PODXL: variants seen among roughly 807,000 people sequenced by gnomAD.
PODXL encodes podocalyxin.
Under a neutral mutation model 48.9 loss-of-function variants are expected in PODXL, and 20 were observed. The observed-to-expected ratio is 0.41, with a 90% CI of 0.29 to 0.59. The LOEUF is 0.59. Among genes scored for constraint, PODXL ranks in the 20% least tolerant of loss-of-function variants. The pLI is 0.31. For missense variants in PODXL, 606 were observed against 675.1 expected, an observed-to-expected ratio of 0.90 and a Z score of 1.13; for synonymous variants, 295 against 287.4, an observed-to-expected ratio of 1.03 and a Z score of -0.27.
At chr7:131,511,572 T>C (rs1771863867) in intron 1 of PODXL, 139 bp from the exon 2 acceptor site, 3 of 787,150 alleles carry the variant, frequency 3.8e-6, no homozygotes, top group African/African-American at 3.5e-5. Flanking sequence ...CTTTGGTGAA[T>C]CCAGAATTTT....
intron 1 of PODXL, among the ~76,000 whole-genome samples, chr7:131,522,535 G>A (rs1798107375): frequency 6.6e-6 from 1 of 152,182 alleles, no homozygotes; most frequent in African/African-American, 2.4e-5. Context: ...GCCAAGCAGG[G>A]ACCCACAGAG....
At chr7:131,506,544 A>G in intron 6 of PODXL, 35 bp downstream of exon 6, 1 of 1,606,160 alleles carries the variant, frequency 6.2e-7, no homozygotes, top group Non-Finnish European at 8.5e-7. Context: ...CCACCCATGC[A>G]GGCCCCAGCC....
At chr7:131,532,120 AATAATCATCATC>A (rs1798289147) in intron 1 of PODXL, among the ~76,000 whole-genome samples, 1 of 144,814 alleles carries the variant, frequency 6.9e-6, no homozygotes, top group Non-Finnish European at 1.5e-5. Flanking sequence ...TAATAATAAT[AATAATCATCATC>A]ATCATCATCA....
chr7:131,535,121 C>T (rs144122610), intron 1 of PODXL, among the ~76,000 whole-genome samples: 5 of 152,186 alleles, frequency 3.3e-5, no homozygotes, highest in East Asian at 3.9e-4. Context: ...CTCCTTAATT[C>T]TCAAAAGGAC....
rs887823460 is a variant in PODXL at position 131,548,761 on chromosome 7, A to G, written c.100+7499T>C. The stretch of plus-strand genomic sequence containing the variant: ...GCTGAAGGATCCTTTGGGTGGGGAC[A>G]GCACAGGAGACATGGCCCCCTCCTG... On this transcript the variant is annotated intron_variant, in intron 1 of 8. Transcript: ENST00000378555. 2.6e-5 allele frequency among the ~76,000 whole-genome samples: 4 copies of G among 152,356 alleles called. No homozygotes were observed. The East Asian group carries it at 5.8e-4, about 22-fold the overall frequency.
At chr7:131,521,982 A>G (rs1798099192) in intron 1 of PODXL, among the ~76,000 whole-genome samples, 2 of 152,236 alleles carry the variant, frequency 1.3e-5, no homozygotes. Context: ...CTTATTCCTG[A>G]AGCAAAGCAG....
intron 2 of PODXL, 51 bp downstream of exon 2, chr7:131,510,777 C>T: frequency 6.2e-7 from 1 of 1,608,852 alleles, no homozygotes; most frequent in Non-Finnish European, 8.5e-7. Context: ...AGCCATCACG[C>T]CTGGCCCTGA....
intron 1 of PODXL, among the ~76,000 whole-genome samples, chr7:131,524,379 C>CACAGAGAGAGAGAGAG (rs746255906): frequency 0.039 from 4,065 of 103,922 alleles, 157 homozygotes; most frequent in Non-Finnish European, 0.061. Context: ...CACACACACA[C>CACAGAGAGAGAGAGAG]AGAGAGAGAG....
chr7:131,516,259 G>C lies in PODXL; in HGVS notation c.101-4826C>G, dbSNP rs116578206. On this transcript the variant is annotated intron_variant, in intron 1 of 8. Coordinates refer to ENST00000378555, the MANE Select transcript of PODXL (RefSeq NM_001018111.3). The stretch of plus-strand genomic sequence containing the variant: ...ATGTATAGGAAGAAATGAAAGTCTT[G>C]GCTGGGCACGGTGGCTCACGCCTGT... 8.1e-3 allele frequency among the ~76,000 whole-genome samples: 1,228 copies of C among 152,330 alleles called. 17 individuals are homozygous for C. Among genetic ancestry groups the C allele is most frequent in the African/African-American group, 0.028 (1,153 of 41,586 alleles).
At position 131,500,313 on chromosome 7, in the gene PODXL, A is replaced by AAT. The variant is rs557719223; in HGVS notation, c.*3996_*3997dup. 1.4e-3 allele frequency: 214 copies of AAT among 152,688 alleles called. No homozygotes were observed. Among genetic ancestry groups the AAT allele is most frequent in the African/African-American group, 4.9e-3 (202 of 41,550 alleles). The allele number at this position is 152,688 out of a possible 1,614,324, so 9.5% of individuals were successfully genotyped here. A position where few individuals can be genotyped will look rare whatever the true frequency, so the allele number is the denominator to read the frequency against. ...TAATTGACAGTATACAATTTTCCAA[A>AAT]ATATATTTTTGTAAGAAAATGCAAT... On this transcript the variant is annotated 3_prime_UTR_variant, in exon 9 of 9. Coordinates refer to ENST00000378555, the MANE Select transcript of PODXL (RefSeq NM_001018111.3).
chr7:131,553,264 T>C (rs2116875571), intron 1 of PODXL, among the ~76,000 whole-genome samples: 1 of 152,312 alleles, frequency 6.6e-6, no homozygotes, highest in Non-Finnish European at 1.5e-5. Flanking sequence ...AAAATCCCTA[T>C]GTGAAAACCC....
intron 1 of PODXL, among the ~76,000 whole-genome samples, chr7:131,540,458 T>C (rs1798456267): frequency 6.6e-6 from 1 of 151,858 alleles, no homozygotes. Context: ...TGTTCTACCC[T>C]GCCCCCGCCC....
chr7:131,538,531 C>T (rs188271828), intron 1 of PODXL, among the ~76,000 whole-genome samples: 5 of 152,168 alleles, frequency 3.3e-5, no homozygotes, highest in Non-Finnish European at 5.9e-5. Context: ...CAGGACCCAG[C>T]GCCTCAGCAG....
At position 131,510,289 on chromosome 7, in the gene PODXL, A is replaced by C; in HGVS notation, c.749T>G (p.Leu250Arg). 1 of 387,786 alleles carries C rather than the reference A, an allele frequency of 2.6e-6. No individual in the cohort carries two copies. Among genetic ancestry groups the C allele is most frequent in the Non-Finnish European group, 5.1e-6 (1 of 197,812 alleles). 24.0% of individuals were successfully genotyped at this position (387,786 alleles called of 1,614,324 possible). The change falls in exon 3 of 9, where the codon CTC becomes CGC. Residue 250 changes from leucine to arginine, a missense_variant. By Grantham distance (102) the Leu-to-Arg change is moderately radical. Transcript: ENST00000378555. ...GGTGGGCAGATCACCCGAGGTCAGG[A>C]GTTCAAGACCAGCCTGGCTGACATG... ...FHHVSQAGLE[L>R]LTSGDLPTLA... is the part of the protein sequence containing the mutation.
chr7:131,537,256 G>T (rs1465994590), intron 1 of PODXL, among the ~76,000 whole-genome samples: 1 of 151,946 alleles, frequency 6.6e-6, no homozygotes, highest in South Asian at 2.1e-4. Context: ...AGGCTGCAGT[G>T]AGCCATCATT....
At chr7:131,517,377 ACT>A (rs1798015981) in intron 1 of PODXL, among the ~76,000 whole-genome samples, 1 of 152,182 alleles carries the variant, frequency 6.6e-6, no homozygotes, top group South Asian at 2.1e-4. Context: ...CAACTCACTG[ACT>A]TCCTAGGTGT....
Position 131,551,166 on chromosome 7 carries a change from C to T in PODXL, c.100+5094G>A, listed in dbSNP as rs942913953. On this transcript the variant is annotated intron_variant, in intron 1 of 8. Transcript: ENST00000378555. Reference sequence around the variant, plus strand: ...ATAGAGAATGCCCCCGTCATTTGGCCTGTGCAGGGTAGGAGTCACCATCCC... The same window carrying T: ...ATAGAGAATGCCCCCGTCATTTGGCTTGTGCAGGGTAGGAGTCACCATCCC... Among the ~76,000 whole-genome samples, 8 of 152,308 alleles carry T rather than the reference C, an allele frequency of 5.3e-5. No homozygotes were observed. The East Asian group carries it at 1.5e-3, about 29-fold the overall frequency.
At chr7:131,525,784 T>C (rs1798175946) in intron 1 of PODXL, among the ~76,000 whole-genome samples, 1 of 152,158 alleles carries the variant, frequency 6.6e-6, no homozygotes, top group South Asian at 2.1e-4. Flanking sequence ...TTGACATGTA[T>C]ACTAGGATTG....
In PODXL at chr7:131,503,888, C is replaced by T. The variant is rs1797754241; in HGVS notation, c.*423G>A. ...CCGGGACTGCTCTGGACGGAAGGCACATGTGAACACAGCAGTGTGGCATGG... is the reference window on the plus strand; with the variant it reads ...CCGGGACTGCTCTGGACGGAAGGCATATGTGAACACAGCAGTGTGGCATGG... On this transcript the variant is annotated 3_prime_UTR_variant, in exon 9 of 9. Coordinates refer to ENST00000378555, the MANE Select transcript of PODXL (RefSeq NM_001018111.3). The T allele has an allele frequency of 5.0e-6, 1 of 198,800 alleles. No homozygotes were observed. The highest frequency in any genetic ancestry group is 5.5e-5 in the Admixed American group (1 of 18,028). 12.3% of individuals were successfully genotyped at this position (198,800 alleles called of 1,614,324 possible). A position where few individuals can be genotyped will look rare whatever the true frequency, so the allele number is the denominator to read the frequency against.
Sources: allele counts gnomAD v4.1 joint callset (sites outside exome capture counted in the v4.1 genomes callset), GRCh38; gene constraint gnomAD v4.1.1; transcripts MANE v1.5; gene names NCBI Gene and HGNC (gene_info 2026-07-23, HGNC 2026-07-21).